The following MAVS variants were observed in gnomAD, a reference collection of about 807,000 sequenced individuals.
MAVS encodes the protein mitochondrial antiviral-signaling protein.
In MAVS, 20 loss-of-function variants were observed where a neutral mutation model predicts 30.2. That is an observed-to-expected ratio of 0.66 (90% CI 0.47 to 0.96). MAVS has a LOEUF of 0.96. Ranked by LOEUF, MAVS falls within the 40% of genes least tolerant of loss-of-function variation. The pLI is 0.00. For synonymous variants in MAVS, 278 were observed against 293.9 expected, an observed-to-expected ratio of 0.95 and a Z score of 0.55; for missense variants, 624 against 701.1, an observed-to-expected ratio of 0.89 and a Z score of 1.24.
intron 3 of MAVS, among the ~76,000 whole-genome samples, chr20:3,858,664 CAA>C (rs1286736257): frequency 1.4e-4 from 9 of 64,576 alleles, no homozygotes; most frequent in Admixed American, 1.6e-4. Flanking sequence ...GATTCCATCT[CAA>C]AAAAAAAAAA....
In MAVS at chr20:3,871,685, T is replaced by C. The variant is rs2089956821; in HGVS notation, c.*5538T>C. The C allele has an allele frequency of 6.6e-6, 1 of 152,396 alleles. No individual in the cohort carries two copies. The highest frequency in any genetic ancestry group is 1.5e-5 in the Non-Finnish European group (1 of 68,088). The allele number at this position is 152,396 out of a possible 1,614,324, so 9.4% of individuals were successfully genotyped here. ...CCATGATGCTCCATTAAGCAGCTGA[T>C]AGCACCCCCACCTCCAGGGAAAGTG... is the stretch of plus-strand genomic sequence containing the variant. On this transcript the variant is annotated 3_prime_UTR_variant, in exon 7 of 7. Transcript: ENST00000428216.
intron 1 of MAVS, among the ~76,000 whole-genome samples, chr20:3,848,306 C>T (rs535599706): frequency 6.6e-6 from 1 of 152,238 alleles, no homozygotes; most frequent in South Asian, 2.1e-4. Context: ...ACCATGTTGG[C>T]CAGGCTGGTC....
At chr20:3,848,306 C>A (rs535599706) in intron 1 of MAVS, among the ~76,000 whole-genome samples, 1 of 152,122 alleles carries the variant, frequency 6.6e-6, no homozygotes, top group African/African-American at 2.4e-5. Flanking sequence ...ACCATGTTGG[C>A]CAGGCTGGTC....
Position 3,864,426 on chromosome 20 carries a change from G to A in MAVS, c.796G>A (p.Ala266Thr), listed in dbSNP as rs776642993. Residue 266 changes from alanine (A) to threonine (T), a missense_variant, in exon 6 of 7, where the codon GCT becomes ACT. Physicochemically the swap from Ala to Thr is moderately conservative, Grantham distance 58 (BLOSUM62 0). Transcript: ENST00000428216. ...SSSPGLASAG[A>T]AEGKQGAESD... ...ATCCCCTGGCTTGGCCTCTGCAGGGGCTGCAGAGGGTAAACAGGGTGCAGA... is the reference window on the plus strand; with the variant it reads ...ATCCCCTGGCTTGGCCTCTGCAGGGACTGCAGAGGGTAAACAGGGTGCAGA... 1 of 1,613,962 alleles carries A rather than the reference G, an allele frequency of 6.2e-7. No individual in the cohort carries two copies. Among genetic ancestry groups the A allele is most frequent in the South Asian group, 1.1e-5 (1 of 91,082 alleles).
At chr20:3,848,817 G>C (rs530864851) in intron 1 of MAVS, among the ~76,000 whole-genome samples, 1 of 152,224 alleles carries the variant, frequency 6.6e-6, no homozygotes, top group South Asian at 2.1e-4. Flanking sequence ...GGCTTCTCTG[G>C]CCTGGTAAAA....
At chr20:3,862,141 C>A in intron 4 of MAVS, 113 bp from the exon 5 acceptor site, 1 of 1,257,966 alleles carries the variant, frequency 7.9e-7, no homozygotes, top group Non-Finnish European at 1.1e-6. Context: ...CCCCTGGCTC[C>A]TGTGCTCCAT....
At chr20:3,848,731 G>A (rs1417491332) in intron 1 of MAVS, among the ~76,000 whole-genome samples, 2 of 152,116 alleles carry the variant, frequency 1.3e-5, no homozygotes, top group Non-Finnish European at 2.9e-5. Context: ...AACCCACTTG[G>A]AATCCAATAG....
rs1365335078 is a variant in MAVS, at chr20:3,868,539, C to CAG, written c.*2393_*2394insGA. On this transcript the variant is annotated 3_prime_UTR_variant, in exon 7 of 7. Coordinates refer to ENST00000428216, the MANE Select transcript of MAVS (RefSeq NM_020746.5). ...ATCCCAGCTATTCAGGAGGCTGAGG[C>CAG]ACGAGAATTCCATGAACCCAGGATG... is the stretch of plus-strand genomic sequence containing the variant. The CAG allele has an allele frequency of 6.6e-6, 1 of 151,884 alleles. No homozygotes were observed. The highest frequency in any genetic ancestry group is 2.4e-5 in the African/African-American group (1 of 41,348). The allele number at this position is 151,884 out of a possible 1,614,324, so 9.4% of individuals were successfully genotyped here.
chr20:3,859,290 A>T (rs1365185814), intron 3 of MAVS, among the ~76,000 whole-genome samples: 1 of 151,820 alleles, frequency 6.6e-6, no homozygotes, highest in Non-Finnish European at 1.5e-5. Flanking sequence ...GGCGGATCAC[A>T]AGGTCAGGAG....
rs2146790937 is a variant in MAVS, at chr20:3,875,674, C to G, written c.*9527C>G. On this transcript the variant is annotated 3_prime_UTR_variant, in exon 7 of 7. Transcript: ENST00000428216. ...GCAGCCAGCTCCCACTTTCCTCACC[C>G]TCCAGGACCTGTAAACTGTGAGGCT... is the stretch of plus-strand genomic sequence containing the variant. The G allele has an allele frequency of 6.6e-6, 1 of 152,450 alleles. No homozygotes were observed. The highest frequency in any genetic ancestry group is 1.9e-4 in the East Asian group (1 of 5,318). The allele number at this position is 152,450 out of a possible 1,614,324, so 9.4% of individuals were successfully genotyped here. A position where few individuals can be genotyped will look rare whatever the true frequency, so the allele number is the denominator to read the frequency against.
In MAVS at chr20:3,861,474, G is replaced by A. The variant is rs1388045452; in HGVS notation, c.435G>A (p.Gln145=). 3.1e-6 allele frequency: 5 copies of A among 1,614,094 alleles called. No homozygotes were observed. The East Asian group carries it at 1.1e-4, about 36-fold the overall frequency. Residue 145 remains glutamine, a synonymous_variant, in exon 4 of 7, where the codon CAG becomes CAA. Transcript: ENST00000428216. The part of the protein sequence containing the change: ...EKEPSYPMPV[Q]ETQAPESPGE... Reference sequence around the variant, plus strand: ...AGCCAAGTTACCCCATGCCTGTCCAGGAGACCCAGGCGCCAGAGTCCCCAG... The same window carrying A: ...AGCCAAGTTACCCCATGCCTGTCCAAGAGACCCAGGCGCCAGAGTCCCCAG...
chr20:3,855,485 G>A (rs2089801838), intron 2 of MAVS, among the ~76,000 whole-genome samples: 1 of 152,150 alleles, frequency 6.6e-6, no homozygotes, highest in African/African-American at 2.4e-5. Flanking sequence ...AGCCCCAACA[G>A]AACTTGCTGC....
chr20:3,853,414 A>G (rs2089780797), intron 1 of MAVS, among the ~76,000 whole-genome samples: 1 of 150,124 alleles, frequency 6.7e-6, no homozygotes, highest in Admixed American at 6.7e-5. Flanking sequence ...TGAACCCGAG[A>G]GGCGGAGCTT....
Position 3,857,794 on chromosome 20 carries a change from C to A in MAVS, c.277C>A (p.Gln93Lys), listed in dbSNP as rs17857295. Residue 93 changes from glutamine (Q) to lysine (K), a missense_variant, in exon 3 of 7, where the codon CAG (glutamine) becomes AAG (lysine). Gln to Lys is a moderately conservative substitution (Grantham distance 53). Coordinates refer to ENST00000428216, the MANE Select transcript of MAVS (RefSeq NM_020746.5). ...DLADEVASVY[Q>K]SYQPRTSDRP... ...CGCGGACGAAGTGGCCTCTGTCTAC[C>A]AGAGCTACCAGCCTCGTGAGCGTCC... 5 of 1,613,984 alleles carry A rather than the reference C, an allele frequency of 3.1e-6. No homozygotes were observed. The Admixed American group carries it at 5.0e-5, about 16-fold the overall frequency.
At chr20:3,847,336 A>C (rs1223634447) in intron 1 of MAVS, among the ~76,000 whole-genome samples, 1 of 152,014 alleles carries the variant, frequency 6.6e-6, no homozygotes, top group African/African-American at 2.4e-5. Context: ...ACACCAGCTC[A>C]AAACGGCCTC....
At chr20:3,860,661 C>G (rs551285061) in intron 3 of MAVS, among the ~76,000 whole-genome samples, 8 of 151,792 alleles carry the variant, frequency 5.3e-5, no homozygotes, top group Non-Finnish European at 1.2e-4. Flanking sequence ...AGGCGTGAGC[C>G]ACCACGTCTG....
At chr20:3,859,965 T>C (rs539254981) in intron 3 of MAVS, among the ~76,000 whole-genome samples, 17 of 151,530 alleles carry the variant, frequency 1.1e-4, no homozygotes, top group South Asian at 4.2e-4. Flanking sequence ...TACAGGCGCC[T>C]GCAACCATGC....
In MAVS at chr20:3,868,269, TTAACAA is replaced by T. The variant is rs1467854783; in HGVS notation, c.*2124_*2129del. The T allele has an allele frequency of 6.6e-6, 1 of 152,318 alleles. No homozygotes were observed. Among genetic ancestry groups the T allele is most frequent in the Admixed American group, 6.5e-5 (1 of 15,268 alleles). The allele number at this position is 152,318 out of a possible 1,614,324, so 9.4% of individuals were successfully genotyped here. On this transcript the variant is annotated 3_prime_UTR_variant, in exon 7 of 7. Transcript: ENST00000428216. ...TAGGTACCCATGCTGGGCAGGTCAG[TTAACAA>T]TTTATGCACAGGTACTAGTTTTATT...
intron 3 of MAVS, among the ~76,000 whole-genome samples, chr20:3,861,029 G>A (rs1946145637): frequency 7.0e-6 from 1 of 141,966 alleles, no homozygotes; most frequent in African/African-American, 2.7e-5. Context: ...GTCTCGCTCT[G>A]TCGCCCAGGC....
Sources: allele counts gnomAD v4.1 joint callset (sites outside exome capture counted in the v4.1 genomes callset), GRCh38; gene constraint gnomAD v4.1.1; transcripts MANE v1.5; gene names NCBI Gene and HGNC (gene_info 2026-07-23, HGNC 2026-07-21).